The following TBXT variants were observed in gnomAD, a reference collection of about 807,000 sequenced individuals.
TBXT encodes T-box transcription factor T, also known as T brachyury transcription factor.
In TBXT, 19 loss-of-function variants were observed where a neutral mutation model predicts 41.1. That is an observed-to-expected ratio of 0.46 (90% confidence interval 0.32 to 0.68). TBXT has a LOEUF of 0.68. Among genes scored for constraint, TBXT ranks in the 30% least tolerant of loss-of-function variants. The pLI, the probability that TBXT is intolerant of heterozygous loss-of-function variation, is 0.03. For missense variants in TBXT, 536 were observed against 582.0 expected (o/e 0.92, Z 0.81); for synonymous variants, 213 against 238.9 (o/e 0.89, Z 1.00).
At chr6:166,165,343 C>G (rs192906079) in intron 3 of TBXT, among the ~76,000 whole-genome samples, 71 of 152,170 alleles carry the variant, frequency 4.7e-4, no homozygotes, top group African/African-American at 1.5e-3. Context: ...GTTGCCCCCC[C>G]ACCCTTTGGG....
rs759641403 is a variant in TBXT at position 166,166,663 on chromosome 6, C to T, written c.400G>A (p.Ala134Thr). ...GAGACGGGAGCCTTCATCCAGTGGG[C>T]CCCGAAGTTGGGCGAGTCGGGGTGG... ...YIHPDSPNFG[A>T]HWMKAPVSFS... is the part of the protein sequence containing the mutation. The change falls in exon 2 of 8, where the codon GCC (alanine) becomes ACC (threonine). Residue 134 changes from alanine to threonine, a missense_variant. Ala to Thr is a moderately conservative substitution (Grantham distance 58, BLOSUM62 0). Transcript: ENST00000366876. 6.2e-7 allele frequency: 1 copy of T among 1,614,060 alleles called. No homozygotes were observed. The highest frequency in any genetic ancestry group is 1.1e-5 in the South Asian group (1 of 91,088).
chr6:166,162,346 C>T (rs964637325), intron 6 of TBXT, 101 bp downstream of exon 6: 49 of 1,371,874 alleles, frequency 3.6e-5, no homozygotes, highest in Non-Finnish European at 4.5e-5. Flanking sequence ...TCCAGAAAAC[C>T]GTCTCCATTT....
upstream of TBXT, chr6:166,167,944 C>T (rs948250825): frequency 2.4e-5 from 9 of 376,346 alleles, no homozygotes; most frequent in East Asian, 1.2e-4. Flanking sequence ...TTTGAAGTGC[C>T]GGGCAGCCTC....
In TBXT at chr6:166,158,112, G is replaced by A. The variant is rs1056050; in HGVS notation, c.*203C>T. 0.02 allele frequency: 15,359 copies of A among 762,298 alleles called. 1,088 individuals carry two copies. Among genetic ancestry groups the A allele is most frequent in the African/African-American group, 0.19 (10,926 of 58,270 alleles). The allele number at this position is 762,298 out of a possible 1,614,324, so 47.2% of individuals were successfully genotyped here. Reference sequence around the variant, plus strand: ...TCTGTAAGCCACCTGGGACAGCACCGCTACTGCAGGTGTGAGCAAGGGATG... The same window carrying A: ...TCTGTAAGCCACCTGGGACAGCACCACTACTGCAGGTGTGAGCAAGGGATG... On this transcript the variant is annotated 3_prime_UTR_variant, in exon 8 of 8. Transcript: ENST00000366876.
At chr6:166,163,242 C>T (rs935333858) in intron 5 of TBXT, among the ~76,000 whole-genome samples, 6 of 152,132 alleles carry the variant, frequency 3.9e-5, no homozygotes, top group African/African-American at 1.4e-4. Context: ...CCCACAGAGA[C>T]GGGAGGTGCC....
Position 166,167,578 on chromosome 6 carries a change from C to G in TBXT, c.14G>C (p.Gly5Ala). 6.4e-7 allele frequency: 1 copy of G among 1,565,024 alleles called. No individual in the cohort carries two copies. Among genetic ancestry groups the G allele is most frequent in the Non-Finnish European group, 8.6e-7 (1 of 1,161,174 alleles). The change falls in exon 1 of 8, where the codon GGC becomes GCC. Residue 5 changes from glycine to alanine, a missense_variant. Physicochemically the swap from Gly to Ala is moderately conservative, Grantham distance 60 (BLOSUM62 0). Coordinates refer to ENST00000366876, the MANE Select transcript of TBXT (RefSeq NM_001366285.2). ...CAGGCTCTTTCCCGCGCTCTCGGTG[C>G]CAGGGGAGCTCATCCTCCCGTCCGG... MSSP[G>A]TESAGKSLQY...
intron 7 of TBXT, among the ~76,000 whole-genome samples, chr6:166,160,549 G>A (rs1213057280): frequency 6.6e-6 from 1 of 152,152 alleles, no homozygotes; most frequent in Non-Finnish European, 1.5e-5. Context: ...GCAGAACCAG[G>A]ATGGGGACCC....
At chr6:166,158,901 A>G (rs577185761) in intron 7 of TBXT, among the ~76,000 whole-genome samples, 8 of 152,360 alleles carry the variant, frequency 5.3e-5, no homozygotes, top group Admixed American at 3.3e-4. Context: ...GGCCAGCCGC[A>G]GTGGGTGATG....
At position 166,160,976 on chromosome 6, in the gene TBXT, G is replaced by T; in HGVS notation, c.908-10C>A. 1 of 1,613,692 alleles carries T rather than the reference G, an allele frequency of 6.2e-7. No homozygotes were observed. Among genetic ancestry groups the T allele is most frequent in the Non-Finnish European group, 8.5e-7 (1 of 1,179,900 alleles). On this transcript the variant is annotated splice_polypyrimidine_tract_variant and intron_variant, in intron 6 of 7. Coordinates refer to ENST00000366876, the MANE Select transcript of TBXT (RefSeq NM_001366285.2). ...GAGTTGTCAGAATAGGCTAAGGGGG[G>T]AAGGTAACAAAGTGCAATTATAGAT...
chr6:166,161,023 A>C, intron 6 of TBXT, 57 bp from the exon 7 acceptor site: 2 of 1,605,612 alleles, frequency 1.2e-6, no homozygotes, highest in South Asian at 2.2e-5. Flanking sequence ...AGAACAACAA[A>C]GTACAGTGAA....
Position 166,162,587 on chromosome 6 carries a change from C to A in TBXT, c.767G>T (p.Cys256Phe), listed in dbSNP as rs748254170. ...GWLLPGTSTL[C>F]PPANPHPQFG... is the part of the protein sequence containing the mutation. ...CTGAGGATGAGGATTTGCAGGTGGA[C>A]ACAGGGTGCTGGTTCCAGGAAGAAG... Residue 256 changes from cysteine to phenylalanine, a missense_variant, in exon 6 of 8, where the codon TGT (cysteine) becomes TTT (phenylalanine). Transcript: ENST00000366876. 1.9e-6 allele frequency: 3 copies of A among 1,614,028 alleles called. No individual in the cohort carries two copies. Among genetic ancestry groups the A allele is most frequent in the Admixed American group, 3.3e-5 (2 of 60,008 alleles).
chr6:166,167,679 C>T lies in TBXT; in HGVS notation c.-88G>A. On this transcript the variant is annotated 5_prime_UTR_variant, in exon 1 of 8. Coordinates refer to ENST00000366876, the MANE Select transcript of TBXT (RefSeq NM_001366285.2). The stretch of plus-strand genomic sequence containing the variant: ...TTCCCTGCTCTTGGCCGCCGCCCTT[C>T]CGAGAAAAGGGGCCCCTTGGACCGA... 1 of 1,516,606 alleles carries T rather than the reference C, an allele frequency of 6.6e-7. No homozygotes were observed. Among genetic ancestry groups the T allele is most frequent in the Non-Finnish European group, 8.8e-7 (1 of 1,131,210 alleles). 93.9% of individuals were successfully genotyped at this position (1,516,606 alleles called of 1,614,324 possible).
rs142978320 is a variant in TBXT, at chr6:166,158,898, C to T, written c.1038-310G>A. Among the ~76,000 whole-genome samples the T allele has an allele frequency of 7.1e-4, 108 of 152,300 alleles. No individual in the cohort carries two copies. The East Asian group carries it at 0.016, about 22-fold the overall frequency. ...TGCGAAAGACTCATACCAGGCCAGCCGCAGTGGGTGATGCCTGTAATCCCA... is the reference window on the plus strand; with the variant it reads ...TGCGAAAGACTCATACCAGGCCAGCTGCAGTGGGTGATGCCTGTAATCCCA... On this transcript the variant is annotated intron_variant, in intron 7 of 7. Coordinates refer to ENST00000366876, the MANE Select transcript of TBXT (RefSeq NM_001366285.2).
chr6:166,166,765 G>A lies in TBXT; in HGVS notation c.298C>T (p.His100Tyr), dbSNP rs1337213861. 2 of 1,613,684 alleles carry A rather than the reference G, an allele frequency of 1.2e-6. No individual in the cohort carries two copies. Among genetic ancestry groups the A allele is most frequent in the African/African-American group, 1.3e-5 (1 of 74,942 alleles). ...TCCCCGTTCACGTACTTCCAGCGGT[G>A]GTTGTCCGCCGCCACGAAGTCCAGC... ...FLLDFVAADNHRWKYVNGEWV... is the reference protein window; with the variant it reads ...FLLDFVAADNYRWKYVNGEWV... The change falls in exon 2 of 8, where the codon CAC (histidine) becomes TAC (tyrosine). Residue 100 changes from histidine (H) to tyrosine (Y), a missense_variant. Physicochemically the swap from His to Tyr is moderately conservative, Grantham distance 83 (BLOSUM62 2). Transcript: ENST00000366876.
intron 7 of TBXT, 53 bp downstream of exon 7, chr6:166,160,784 G>C: frequency 6.2e-7 from 1 of 1,611,422 alleles, no homozygotes; most frequent in Non-Finnish European, 8.5e-7. Context: ...ACAGCGTGAA[G>C]TCACAGGCAG....
rs1217827702 is a variant in TBXT, at chr6:166,164,649, A to T, written c.686T>A (p.Met229Lys). The change falls in exon 5 of 8, where the codon ATG becomes AAG. Residue 229 changes from methionine to lysine, a missense_variant. Coordinates refer to ENST00000366876, the MANE Select transcript of TBXT (RefSeq NM_001366285.2). ...DAKERSDHKE[M>K]MEEPGDSQQP... is the part of the protein sequence containing the mutation. ...CTGGCTGTCTCCGGGTTCCTCCATC[A>T]TCTCTTTGTGATCACTTCTATCAAA... 1 of 1,613,884 alleles carries T rather than the reference A, an allele frequency of 6.2e-7. No individual in the cohort carries two copies. Among genetic ancestry groups the T allele is most frequent in the Admixed American group, 1.7e-5 (1 of 59,990 alleles).
intron 1 of TBXT, among the ~76,000 whole-genome samples, 157 bp from the exon 2 acceptor site, chr6:166,167,013 G>T (rs570707830): frequency 6.6e-6 from 1 of 152,344 alleles, no homozygotes; most frequent in African/African-American, 2.4e-5. Flanking sequence ...CCCGAGCCCT[G>T]CCAGGTCCAG....
intron 6 of TBXT, among the ~76,000 whole-genome samples, chr6:166,161,325 A>T (rs1484582904): frequency 6.6e-6 from 1 of 152,216 alleles, no homozygotes; most frequent in Non-Finnish European, 1.5e-5. Context: ...ACTTCATAAG[A>T]ATGGGCGATA....
In TBXT at chr6:166,157,976, T is replaced by C. The variant is rs3816304; in HGVS notation, c.*339A>G. The C allele has an allele frequency of 0.098, 40,397 of 413,520 alleles. 2,280 individuals carry two copies. The highest frequency in any genetic ancestry group is 0.12 in the Non-Finnish European group (26,550 of 221,990). The allele number at this position is 413,520 out of a possible 1,614,324, so 25.6% of individuals were successfully genotyped here. The stretch of plus-strand genomic sequence containing the variant: ...TTTACAAATTCTGGTGTGCCAAAGT[T>C]GCCAATACACTGTATGAGAAATAAA... On this transcript the variant is annotated 3_prime_UTR_variant, in exon 8 of 8. Transcript: ENST00000366876.
Sources: gnomAD v4.1 joint callset for allele counts (sites outside exome capture counted in the v4.1 genomes callset) on GRCh38, gnomAD v4.1.1 for gene constraint, MANE v1.5 for transcripts, NCBI Gene and HGNC (gene_info 2026-07-23, HGNC 2026-07-21) for gene names.